Variants in ALK observed in about 807,000 individuals in gnomAD.
ALK encodes ALK tyrosine kinase receptor.
A neutral mutation model predicts 163.1 loss-of-function variants in ALK; 74 were observed. That is an observed-to-expected ratio of 0.45 (90% CI 0.38 to 0.55). The LOEUF (loss-of-function observed/expected upper bound fraction) is 0.55, where lower values mean the gene tolerates loss of function less well. Ranked by LOEUF, ALK falls within the 20% of genes least tolerant of loss-of-function variation. The pLI is 0.00. For missense variants in ALK, 2,063 were observed against 2,105.3 expected, an observed-to-expected ratio of 0.98 and a Z score of 0.39; for synonymous variants, 960 against 843.2, an observed-to-expected ratio of 1.14 and a Z score of -2.40.
chr2:29,209,911 A>G (rs2148155495), intron 24 of ALK, 33 bp from the exon 25 acceptor site: 1 of 1,565,092 alleles, frequency 6.4e-7, no homozygotes, highest in Non-Finnish European at 8.8e-7. Flanking sequence ...TCCTAATTTT[A>G]TCCCTAGGAA....
chr2:29,727,559 C>A (rs765489701), intron 1 of ALK, among the ~76,000 whole-genome samples: 1 of 152,204 alleles, frequency 6.6e-6, no homozygotes, highest in Non-Finnish European at 1.5e-5. Context: ...TCCCAGCCAA[C>A]TTTTGGGATG....
At chr2:29,889,596 A>G (rs1667083859) in intron 1 of ALK, among the ~76,000 whole-genome samples, 1 of 151,944 alleles carries the variant, frequency 6.6e-6, no homozygotes, top group South Asian at 2.1e-4. Flanking sequence ...CAGCAGAGAG[A>G]CAGCAGGGGA....
At chr2:29,660,821 T>A (rs1677324775) in intron 3 of ALK, among the ~76,000 whole-genome samples, 1 of 152,156 alleles carries the variant, frequency 6.6e-6, no homozygotes, top group Non-Finnish European at 1.5e-5. Flanking sequence ...TGCATTTTCA[T>A]AACTTATGTC....
intron 3 of ALK, among the ~76,000 whole-genome samples, chr2:29,555,554 GCCCTCCA>G (rs1673830112): frequency 6.6e-6 from 1 of 152,104 alleles, no homozygotes; most frequent in South Asian, 2.1e-4. Context: ...CTCCACCCCT[GCCCTCCA>G]CCTTTCTCTC....
At chr2:29,405,549 G>A (rs1669562176) in intron 4 of ALK, among the ~76,000 whole-genome samples, 1 of 152,160 alleles carries the variant, frequency 6.6e-6, no homozygotes, top group Non-Finnish European at 1.5e-5. Context: ...AAAGAGAAAT[G>A]CCAGGTATCA....
At chr2:29,217,193 G>C (rs1296723705) in intron 23 of ALK, among the ~76,000 whole-genome samples, 1 of 150,560 alleles carries the variant, frequency 6.6e-6, no homozygotes, top group Non-Finnish European at 1.5e-5. Context: ...GTACATGTGT[G>C]GTGTTTTGTG....
chr2:29,352,644 G>A (rs1473116353), intron 5 of ALK, among the ~76,000 whole-genome samples: 3 of 152,226 alleles, frequency 2.0e-5, no homozygotes, highest in Non-Finnish European at 2.9e-5. Context: ...AGTGGTCAGT[G>A]AGCAGGCACT....
intron 3 of ALK, among the ~76,000 whole-genome samples, chr2:29,596,186 A>G (rs563080904): frequency 6.6e-5 from 10 of 152,254 alleles, no homozygotes; most frequent in Admixed American, 5.2e-4. Context: ...TACCTCTACC[A>G]TATCCTTTGG....
intron 1 of ALK, among the ~76,000 whole-genome samples, chr2:29,902,542 G>A (rs1273025348): frequency 6.6e-6 from 1 of 152,142 alleles, no homozygotes; most frequent in Non-Finnish European, 1.5e-5. Context: ...CTGCAAGAAA[G>A]TCAAACACCC....
chr2:29,495,820 A>T (rs1672008447), intron 4 of ALK, among the ~76,000 whole-genome samples: 1 of 152,210 alleles, frequency 6.6e-6, no homozygotes, highest in Admixed American at 6.5e-5. Flanking sequence ...TCCCTGGAAG[A>T]TGCTGTCAGG....
rs1665344950 is a variant in ALK, at chr2:29,830,712, T to TAAAAAA, written c.667+89280_667+89281insTTTTTT. On this transcript the variant is annotated intron_variant, in intron 1 of 28. Transcript: ENST00000389048. ...AGCAAGACCCTGTCTCTAAAATAGT[T>TAAAAAA]TAAAAAAAAAAAAAAAAAAAAAAAA... Among the ~76,000 whole-genome samples, 54 of 63,518 alleles carry TAAAAAA rather than the reference T, an allele frequency of 8.5e-4. 12 individuals are homozygous for TAAAAAA. Among genetic ancestry groups the TAAAAAA allele is most frequent in the African/African-American group, 2.2e-3 (36 of 16,062 alleles). The allele number at this position is 63,518 out of a possible 152,430, so 41.7% of individuals were successfully genotyped here.
At chr2:29,240,780 T>C (rs1664503668) in intron 12 of ALK, among the ~76,000 whole-genome samples, 2 of 152,214 alleles carry the variant, frequency 1.3e-5, no homozygotes, top group African/African-American at 4.8e-5. Context: ...TGAAGACAGC[T>C]AACGCACCAG....
Position 29,307,662 on chromosome 2 carries a change from T to C in ALK, c.1648-10605A>G, listed in dbSNP as rs542248630. Among the ~76,000 whole-genome samples, 19 of 152,344 alleles carry C rather than the reference T, an allele frequency of 1.2e-4. No individual in the cohort carries two copies. In the South Asian group the frequency reaches 3.3e-3, roughly 27 times the overall value. ...ACTGACTCACTGCAAAATCCAGTGT[T>C]TTTGTTCACCATCTTCTAGTTCACC... On this transcript the variant is annotated intron_variant, in intron 8 of 28. Transcript: ENST00000389048.
chr2:29,740,262 C>T lies in ALK; in HGVS notation c.668-22565G>A, dbSNP rs146276534. Among the ~76,000 whole-genome samples, 65 of 151,920 alleles carry T rather than the reference C, an allele frequency of 4.3e-4. 3 individuals carry two copies. The highest frequency in any genetic ancestry group is 1.4e-3 in the African/African-American group (56 of 41,296). On this transcript the variant is annotated intron_variant, in intron 1 of 28. Transcript: ENST00000389048. ...CAGCTTCACGAATTAACAAAAGTAA[C>T]GCTTTCCATATAGTAGGAGAGCGGA...
At chr2:29,836,838 A>G (rs1026346585) in intron 1 of ALK, among the ~76,000 whole-genome samples, 5 of 152,216 alleles carry the variant, frequency 3.3e-5, no homozygotes, top group African/African-American at 1.2e-4. Context: ...GGTCAATGCT[A>G]CAGTTCCTCC....
chr2:29,292,189 G>A (rs926234885), intron 9 of ALK, among the ~76,000 whole-genome samples: 1 of 152,224 alleles, frequency 6.6e-6, no homozygotes, highest in African/African-American at 2.4e-5. Flanking sequence ...CTGAGGAATG[G>A]AGCCTGCACA....
intron 1 of ALK, among the ~76,000 whole-genome samples, chr2:29,833,608 A>G (rs1377087173): frequency 1.3e-5 from 2 of 152,256 alleles, no homozygotes; most frequent in South Asian, 2.1e-4. Context: ...CACTGGGCAC[A>G]TGCTTCACAG....
At chr2:29,489,129 T>C (rs185614682) in intron 4 of ALK, among the ~76,000 whole-genome samples, 2 of 152,342 alleles carry the variant, frequency 1.3e-5, no homozygotes, top group East Asian at 3.9e-4. Context: ...TACTTACTTA[T>C]ATGTTTACGT....
chr2:29,328,541 C>T (rs1667344451), intron 5 of ALK, 60 bp from the exon 6 acceptor site: 1 of 1,612,122 alleles, frequency 6.2e-7, no homozygotes, highest in East Asian at 2.2e-5. Flanking sequence ...CAGCAGCTGG[C>T]CTGATGGGTT....
Sources: allele counts gnomAD v4.1 joint callset (sites outside exome capture counted in the v4.1 genomes callset), GRCh38; gene constraint gnomAD v4.1.1; transcripts MANE v1.5; gene names NCBI Gene and HGNC (gene_info 2026-07-23, HGNC 2026-07-21).